SIPA1L3: variants seen among roughly 807,000 people sequenced by gnomAD.
The protein encoded by SIPA1L3 is signal induced proliferation associated 1 like 3, also known as signal-induced proliferation-associated 1-like protein 3.
A neutral mutation model predicts 150.1 loss-of-function variants in SIPA1L3; 59 were observed. That is an observed-to-expected ratio of 0.39 (90% CI 0.32 to 0.49). The LOEUF is 0.49. Among genes scored for constraint, SIPA1L3 ranks in the 20% least tolerant of loss-of-function variants. The pLI is 0.86. For synonymous variants in SIPA1L3, 1,070 were observed against 1,077.6 expected (o/e 0.99, Z 0.14); for missense variants, 2,211 against 2,489.5 (o/e 0.89, Z 2.38).
intron 8 of SIPA1L3, among the ~76,000 whole-genome samples, chr19:38,110,731 G>A (rs183477804): frequency 2.2e-4 from 33 of 152,274 alleles, no homozygotes; most frequent in South Asian, 4.1e-4. Flanking sequence ...CCCTCCTGGG[G>A]GTCACCTTTC....
intron 8 of SIPA1L3, among the ~76,000 whole-genome samples, chr19:38,112,137 A>G (rs1388535155): frequency 6.6e-6 from 1 of 151,140 alleles, no homozygotes; most frequent in African/African-American, 2.4e-5. Context: ...ACAGGTACAC[A>G]CCTGCACACA....
At chr19:37,935,776 G>A (rs1256540976) in intron 1 of SIPA1L3, among the ~76,000 whole-genome samples, 1 of 152,158 alleles carries the variant, frequency 6.6e-6, no homozygotes, top group Non-Finnish European at 1.5e-5. Flanking sequence ...CCTTCTTAAG[G>A]CATAGATTTA....
At chr19:38,036,480 C>T (rs1209368928) in intron 2 of SIPA1L3, among the ~76,000 whole-genome samples, 3 of 152,188 alleles carry the variant, frequency 2.0e-5, no homozygotes, top group East Asian at 1.9e-4. Flanking sequence ...GGCTTTGGGT[C>T]ATTTCATCTG....
At chr19:38,122,345 T>C (rs1971040713) in intron 9 of SIPA1L3, among the ~76,000 whole-genome samples, 1 of 152,156 alleles carries the variant, frequency 6.6e-6, no homozygotes, top group South Asian at 2.1e-4. Flanking sequence ...ACTCCATCCC[T>C]CCATTTGCGG....
At chr19:38,015,009 T>G (rs753338610) in intron 1 of SIPA1L3, among the ~76,000 whole-genome samples, 1 of 151,766 alleles carries the variant, frequency 6.6e-6, no homozygotes, top group Non-Finnish European at 1.5e-5. Flanking sequence ...AGATATGATC[T>G]GACTGTGTTG....
chr19:38,034,832 G>C lies in SIPA1L3; in HGVS notation c.-311+5676G>C, dbSNP rs371494759. Among the ~76,000 whole-genome samples, 16 of 152,308 alleles carry C rather than the reference G, an allele frequency of 1.1e-4. No homozygotes were observed. The East Asian group carries it at 3.1e-3, about 29-fold the overall frequency. On this transcript the variant is annotated intron_variant, in intron 2 of 21. Transcript: ENST00000222345. ...CCTGTGCTTTTAGTTATTCTTCCCA[G>C]GATGAGCCTTCTAGCCTTTTCTTTC...
intron 2 of SIPA1L3, among the ~76,000 whole-genome samples, chr19:38,034,363 G>A (rs530003119): frequency 4.6e-5 from 7 of 152,142 alleles, no homozygotes; most frequent in African/African-American, 1.7e-4. Context: ...ACCCTAAGAC[G>A]TCACTGCTGT....
At chr19:38,086,739 A>G (rs1388148402) in intron 3 of SIPA1L3, among the ~76,000 whole-genome samples, 1 of 152,236 alleles carries the variant, frequency 6.6e-6, no homozygotes, top group Non-Finnish European at 1.5e-5. Flanking sequence ...ATGTATTCAG[A>G]ACCATCACAG....
At chr19:37,983,250 G>A (rs1180148059) in intron 1 of SIPA1L3, among the ~76,000 whole-genome samples, 1 of 152,206 alleles carries the variant, frequency 6.6e-6, no homozygotes, top group Non-Finnish European at 1.5e-5. Context: ...GTGGAGGGTG[G>A]TGGTTGAAAG....
At chr19:38,106,066 G>A (rs1970616874) in intron 6 of SIPA1L3, among the ~76,000 whole-genome samples, 1 of 151,864 alleles carries the variant, frequency 6.6e-6, no homozygotes, top group African/African-American at 2.4e-5. Context: ...CAGTCTGGTG[G>A]GTACATAGCA....
In SIPA1L3 at chr19:38,198,730, C is replaced by T. The variant is rs113014970; in HGVS notation, c.4984+198C>T. 1.5e-3 allele frequency among the ~76,000 whole-genome samples: 232 copies of T among 152,364 alleles called. 3 individuals carry two copies. The highest frequency in any genetic ancestry group is 5.4e-3 in the African/African-American group (224 of 41,590). ...TCATCTCTTTGATGCCAGCGAACCA[C>T]GTTGACCAACAAGCGGAAGTGACCA... On this transcript the variant is annotated intron_variant, in intron 19 of 21. Coordinates refer to ENST00000222345, the MANE Select transcript of SIPA1L3 (RefSeq NM_015073.3).
rs565386606 is a variant in SIPA1L3 at position 37,951,937 on chromosome 19, C to T, written c.-379+44579C>T. Among the ~76,000 whole-genome samples the T allele has an allele frequency of 2.0e-5, 3 of 149,032 alleles. No homozygotes were observed. In the South Asian group the frequency reaches 6.4e-4, roughly 32 times the overall value. On this transcript the variant is annotated intron_variant, in intron 1 of 21. Transcript: ENST00000222345. ...AAAAAGCCCCACTGTTGTGGAATGT[C>T]CTGGTCTACCTGGTTTGGACTTAGA... is the stretch of plus-strand genomic sequence containing the variant.
Position 38,136,612 on chromosome 19 carries a change from A to T in SIPA1L3, c.3144-4572A>T, listed in dbSNP as rs537264899. 8.7e-4 allele frequency among the ~76,000 whole-genome samples: 132 copies of T among 152,188 alleles called. 1 individual carries two copies. The highest frequency in any genetic ancestry group is 3.4e-3 in the Middle Eastern group (1 of 294). On this transcript the variant is annotated intron_variant, in intron 10 of 21. Coordinates refer to ENST00000222345, the MANE Select transcript of SIPA1L3 (RefSeq NM_015073.3). ...CAGCAAGACTCCGTCTCAAAAAAAA[A>T]TTTTTTTAATCAATAAATGAAGCAG...
chr19:38,024,053 G>A (rs1274030986), intron 1 of SIPA1L3, among the ~76,000 whole-genome samples: 4 of 152,162 alleles, frequency 2.6e-5, no homozygotes, highest in Non-Finnish European at 4.4e-5. Context: ...GAGTGAAGAG[G>A]TATGAGCGGA....
intron 8 of SIPA1L3, among the ~76,000 whole-genome samples, chr19:38,111,237 AC>A (rs1432853651): frequency 6.6e-6 from 1 of 151,810 alleles, no homozygotes; most frequent in Non-Finnish European, 1.5e-5. Context: ...TCTCTGTTTT[AC>A]CCAGGCTGGT....
chr19:37,964,892 T>A (rs1487130089), intron 1 of SIPA1L3: 1 of 152,092 alleles, frequency 6.6e-6, no homozygotes, highest in Non-Finnish European at 1.5e-5. Context: ...TCTCTGAGAG[T>A]GAGGCCTGGA....
At chr19:38,031,610 T>A (rs981530622) in intron 2 of SIPA1L3, among the ~76,000 whole-genome samples, 2 of 152,214 alleles carry the variant, frequency 1.3e-5, no homozygotes, top group African/African-American at 4.8e-5. Flanking sequence ...GTGACATCAA[T>A]GCATCATATT....
intron 1 of SIPA1L3, among the ~76,000 whole-genome samples, chr19:37,971,605 G>T (rs755646037): frequency 6.6e-6 from 1 of 151,372 alleles, no homozygotes; most frequent in Non-Finnish European, 1.5e-5. Context: ...TTGCTCTGTT[G>T]CCCAGGCTGG....
chr19:38,128,694 C>T (rs919933679), intron 9 of SIPA1L3, among the ~76,000 whole-genome samples: 5 of 152,024 alleles, frequency 3.3e-5, no homozygotes, highest in African/African-American at 9.7e-5. Flanking sequence ...GTCAGGAGTT[C>T]GAGACCAGCC....
Sources: allele counts gnomAD v4.1 joint callset (sites outside exome capture counted in the v4.1 genomes callset), GRCh38; gene constraint gnomAD v4.1.1; transcripts MANE v1.5; gene names NCBI Gene and HGNC (gene_info 2026-07-23, HGNC 2026-07-21).